Variants in SEMA3A observed in about 807,000 individuals in gnomAD.
The protein encoded by SEMA3A is semaphorin-3A.
SEMA3A carries 29 observed loss-of-function variants against 97.9 expected under a neutral mutation model. The ratio of observed to expected loss-of-function variants is 0.30; its 90% CI spans 0.22 to 0.40. The LOEUF (loss-of-function observed/expected upper bound fraction) is 0.40. SEMA3A is among the 10% of genes least tolerant of loss of function. The pLI is 1.00. For missense variants in SEMA3A, 763 were observed against 951.3 expected (o/e 0.80, Z 2.60); for synonymous variants, 321 against 323.7 (o/e 0.99, Z 0.09).
chr7:84,055,037 C>T (rs1321133042), intron 5 of SEMA3A, among the ~76,000 whole-genome samples: 3 of 152,050 alleles, frequency 2.0e-5, no homozygotes, highest in Non-Finnish European at 2.9e-5. Flanking sequence ...GTCAGGGACC[C>T]ACTTGAGGAG....
intron 1 of SEMA3A, among the ~76,000 whole-genome samples, chr7:84,417,622 T>C (rs1804470932): frequency 6.6e-6 from 1 of 152,074 alleles, no homozygotes; most frequent in East Asian, 1.9e-4. Context: ...CAAATTATAA[T>C]AACAAATTAC....
chr7:84,004,428 T>C (rs1407531982), intron 11 of SEMA3A, among the ~76,000 whole-genome samples: 2 of 151,968 alleles, frequency 1.3e-5, no homozygotes, highest in African/African-American at 4.8e-5. Flanking sequence ...TTCTAATGAA[T>C]TTTTTTTCTT....
At chr7:84,111,224 A>G (rs1312368255) in intron 3 of SEMA3A, among the ~76,000 whole-genome samples, 1 of 152,170 alleles carries the variant, frequency 6.6e-6, no homozygotes, top group East Asian at 1.9e-4. Flanking sequence ...ATATGTAACT[A>G]TAGATGCAGT....
chr7:84,469,674 GAAGA>G (rs1806097856), intron 1 of SEMA3A, among the ~76,000 whole-genome samples: 1 of 152,058 alleles, frequency 6.6e-6, no homozygotes, highest in Non-Finnish European at 1.5e-5. Context: ...AAATGCTTTT[GAAGA>G]AAGTAAAATC....
rs146165604 is a variant in SEMA3A, at chr7:84,165,207, A to AAAATAAAT, written c.112+29260_112+29267dup. Among the ~76,000 whole-genome samples, 26 of 151,462 alleles carry AAAATAAAT rather than the reference A, an allele frequency of 1.7e-4. No homozygotes were observed. The South Asian group carries it at 2.3e-3, about 13-fold the overall frequency. On this transcript the variant is annotated intron_variant, in intron 1 of 16. Coordinates refer to ENST00000265362, the MANE Select transcript of SEMA3A (RefSeq NM_006080.3). ...GGGTGTCAGAGTGAGTCCTCGTCTC[A>AAAATAAAT]AAATAAATAAATAAATAAATAAAAT...
chr7:84,250,849 T>C (rs1439690496), intron 3 of SEMA3A, among the ~76,000 whole-genome samples: 1 of 152,236 alleles, frequency 6.6e-6, no homozygotes, highest in Non-Finnish European at 1.5e-5. Flanking sequence ...CATCATTTGC[T>C]TAAAAAAATC....
At chr7:84,360,692 G>A (rs1010668096) in intron 2 of SEMA3A, among the ~76,000 whole-genome samples, 5 of 152,082 alleles carry the variant, frequency 3.3e-5, no homozygotes, top group African/African-American at 4.8e-5. Context: ...CTAATGTGCA[G>A]AGTATTCTTA....
At chr7:84,416,135 A>G (rs906793912) in intron 1 of SEMA3A, among the ~76,000 whole-genome samples, 3 of 152,040 alleles carry the variant, frequency 2.0e-5, no homozygotes, top group African/African-American at 4.8e-5. Context: ...CCAAATCTCA[A>G]CTTGAATTGT....
intron 1 of SEMA3A, among the ~76,000 whole-genome samples, chr7:84,160,305 G>T (rs966754283): frequency 6.6e-6 from 1 of 151,652 alleles, no homozygotes; most frequent in Non-Finnish European, 1.5e-5. Flanking sequence ...TATGACAAGT[G>T]TTCTATCATA....
intron 6 of SEMA3A, among the ~76,000 whole-genome samples, chr7:84,036,261 T>C (rs530087147): frequency 2.4e-4 from 36 of 152,280 alleles, no homozygotes; most frequent in Middle Eastern, 3.4e-3. Context: ...AATATGATCC[T>C]ATAGATGTAT....
intron 3 of SEMA3A, among the ~76,000 whole-genome samples, chr7:84,127,283 C>G (rs1795828568): frequency 6.6e-6 from 1 of 152,042 alleles, no homozygotes; most frequent in African/African-American, 2.4e-5. Flanking sequence ...TGCCCTGCCT[C>G]ACTGTCAATA....
rs190045212 is a variant in SEMA3A at position 84,148,246 on chromosome 7, T to G, written c.113-13295A>C. 1.1e-3 allele frequency among the ~76,000 whole-genome samples: 173 copies of G among 152,112 alleles called. 1 individual carries two copies. In the East Asian group the frequency reaches 0.013, roughly 11 times the overall value. Reference sequence around the variant, plus strand: ...TTTCTTTTCTTTTCTTTTTCTTTTTTTTTAAAAGAGGCTTGTAGAGAACAT... The same window carrying G: ...TTTCTTTTCTTTTCTTTTTCTTTTTGTTTAAAAGAGGCTTGTAGAGAACAT... On this transcript the variant is annotated intron_variant, in intron 1 of 16. Transcript: ENST00000265362.
At chr7:84,071,124 T>C (rs962358170) in intron 4 of SEMA3A, among the ~76,000 whole-genome samples, 3 of 152,176 alleles carry the variant, frequency 2.0e-5, no homozygotes, top group Non-Finnish European at 2.9e-5. Flanking sequence ...ACACATTGCA[T>C]GTGGTTATTT....
intron 2 of SEMA3A, among the ~76,000 whole-genome samples, chr7:84,363,540 A>C (rs540454): frequency 0.29 from 43,554 of 151,758 alleles, 6,727 homozygotes; most frequent in African/African-American, 0.38. Flanking sequence ...AATTGACCTA[A>C]GATTTTTAAT....
chr7:84,032,126 C>A (rs746702539), intron 6 of SEMA3A, among the ~76,000 whole-genome samples: 3 of 152,106 alleles, frequency 2.0e-5, no homozygotes, highest in Non-Finnish European at 4.4e-5. Context: ...CTAGGGCATG[C>A]TAGGAGTTCA....
At chr7:84,428,354 T>C (rs1431947025) in intron 1 of SEMA3A, among the ~76,000 whole-genome samples, 1 of 152,060 alleles carries the variant, frequency 6.6e-6, no homozygotes, top group African/African-American at 2.4e-5. Flanking sequence ...TCCTTAAAGA[T>C]AGTAAAAAAC....
chr7:84,432,812 C>A (rs763872883), intron 1 of SEMA3A, among the ~76,000 whole-genome samples: 27 of 150,938 alleles, frequency 1.8e-4, no homozygotes, highest in Non-Finnish European at 2.8e-4. Context: ...AGGTTGATTC[C>A]ATATCTTTGC....
At chr7:84,486,159 G>T (rs1451616633) in intron 1 of SEMA3A, among the ~76,000 whole-genome samples, 1 of 152,160 alleles carries the variant, frequency 6.6e-6, no homozygotes, top group Non-Finnish European at 1.5e-5. Context: ...GGAGGCTGAG[G>T]CAGGCAGATC....
chr7:83,965,162 A>G (rs1367719499), intron 15 of SEMA3A, among the ~76,000 whole-genome samples: 1 of 150,102 alleles, frequency 6.7e-6, no homozygotes, highest in African/African-American at 2.5e-5. Context: ...CATGGTCCCG[A>G]TCTCCTGACC....
Sources: allele counts gnomAD v4.1 joint callset (sites outside exome capture counted in the v4.1 genomes callset), GRCh38; gene constraint gnomAD v4.1.1; transcripts MANE v1.5; gene names NCBI Gene and HGNC (gene_info 2026-07-23, HGNC 2026-07-21).